The following NALF1 variants were observed in gnomAD, a reference collection of about 807,000 sequenced individuals.
NALF1 encodes the protein NALCN channel auxiliary factor 1.
A neutral mutation model predicts 48.4 loss-of-function variants in NALF1; 3 were observed. The ratio of observed to expected loss-of-function variants is 0.06; its 90% CI spans 0.03 to 0.16. The LOEUF is 0.16. NALF1 is among the 10% of genes least tolerant of loss of function. NALF1 has a pLI of 1.00. For synonymous variants in NALF1, 262 were observed against 245.7 expected, an observed-to-expected ratio of 1.07 and a Z score of -0.62; for missense variants, 526 against 571.5, an observed-to-expected ratio of 0.92 and a Z score of 0.81.
At chr13:107,635,568 G>A (rs1879954366) in intron 1 of NALF1, among the ~76,000 whole-genome samples, 1 of 152,094 alleles carries the variant, frequency 6.6e-6, no homozygotes, top group Non-Finnish European at 1.5e-5. Flanking sequence ...TTTCTAATGT[G>A]TTCTCTGTAT....
intron 1 of NALF1, among the ~76,000 whole-genome samples, chr13:107,414,331 C>T (rs1884047127): frequency 6.6e-6 from 1 of 150,970 alleles, no homozygotes; most frequent in African/African-American, 2.4e-5. Context: ...TCTTTCTTTC[C>T]CTAACTCTCT....
intron 1 of NALF1, among the ~76,000 whole-genome samples, chr13:107,388,986 C>T (rs1458423089): frequency 3.9e-5 from 6 of 152,184 alleles, no homozygotes; most frequent in African/African-American, 7.2e-5. Context: ...GATAGAAGGA[C>T]GTGTCAGCAG....
At chr13:107,583,394 C>A (rs887298302) in intron 1 of NALF1, among the ~76,000 whole-genome samples, 7 of 152,090 alleles carry the variant, frequency 4.6e-5, no homozygotes, top group African/African-American at 1.7e-4. Flanking sequence ...TTGTTCAGAT[C>A]ACTTTTAAGT....
intron 2 of NALF1, among the ~76,000 whole-genome samples, chr13:107,178,714 C>T (rs377697740): frequency 5.3e-5 from 8 of 152,116 alleles, no homozygotes; most frequent in African/African-American, 1.4e-4. Context: ...CAGGCCAAGG[C>T]GGGCGGATCA....
rs1372340689 is a variant in NALF1, at chr13:107,166,590, AC to A, written c.*3906del. 1 of 152,210 alleles carries A rather than the reference AC, an allele frequency of 6.6e-6. No homozygotes were observed. Among genetic ancestry groups the A allele is most frequent in the Non-Finnish European group, 1.5e-5 (1 of 68,046 alleles). The allele number at this position is 152,210 out of a possible 1,614,324, so 9.4% of individuals were successfully genotyped here. A position where few individuals can be genotyped will look rare whatever the true frequency, so the allele number is the denominator to read the frequency against. On this transcript the variant is annotated 3_prime_UTR_variant, in exon 3 of 3. Coordinates refer to ENST00000375915, the MANE Select transcript of NALF1 (RefSeq NM_001080396.3). ...TGTAAATCATGCTTCAGACTGGTTA[AC>A]GTTTTTGATGTTGTTCAGATATCAA...
At chr13:107,513,430 T>C (rs1875958809) in intron 1 of NALF1, among the ~76,000 whole-genome samples, 1 of 152,182 alleles carries the variant, frequency 6.6e-6, no homozygotes, top group Non-Finnish European at 1.5e-5. Context: ...GTCTTCCATA[T>C]TTCCTTGCCT....
At chr13:107,778,210 T>A (rs1438966434) in intron 1 of NALF1, among the ~76,000 whole-genome samples, 1 of 152,182 alleles carries the variant, frequency 6.6e-6, no homozygotes, top group Non-Finnish European at 1.5e-5. Context: ...TGAGGCTGCA[T>A]GAATGGAATG....
chr13:107,247,288 C>G (rs533143098), intron 1 of NALF1, among the ~76,000 whole-genome samples: 2 of 152,230 alleles, frequency 1.3e-5, no homozygotes, highest in South Asian at 2.1e-4. Flanking sequence ...GAATAAAAAT[C>G]CATTTATTTT....
At chr13:107,523,435 A>G (rs1594109035) in intron 1 of NALF1, among the ~76,000 whole-genome samples, 1 of 152,118 alleles carries the variant, frequency 6.6e-6, no homozygotes, top group Non-Finnish European at 1.5e-5. Flanking sequence ...GGTTTGTTAC[A>G]TATGTATACA....
At chr13:107,727,300 T>G (rs1566459412) in intron 1 of NALF1, among the ~76,000 whole-genome samples, 1 of 152,192 alleles carries the variant, frequency 6.6e-6, no homozygotes, top group Non-Finnish European at 1.5e-5. Flanking sequence ...GTAAGATGCA[T>G]TATTTCCTTA....
intron 1 of NALF1, among the ~76,000 whole-genome samples, chr13:107,430,101 A>C (rs1299336931): frequency 1.3e-5 from 2 of 152,326 alleles, no homozygotes; most frequent in South Asian, 4.1e-4. Context: ...AGCAGGGAAA[A>C]TCAACTGAAG....
intron 1 of NALF1, among the ~76,000 whole-genome samples, chr13:107,267,462 C>T (rs1286329562): frequency 6.6e-6 from 1 of 152,118 alleles, no homozygotes; most frequent in African/African-American, 2.4e-5. Context: ...AGCGAGAGCG[C>T]TGTGTGTTGT....
At chr13:107,276,046 G>A (rs1313679045) in intron 1 of NALF1, among the ~76,000 whole-genome samples, 3 of 152,190 alleles carry the variant, frequency 2.0e-5, no homozygotes, top group South Asian at 4.2e-4. Context: ...CCAGCATGAC[G>A]GATCCAAGAG....
At chr13:107,541,726 A>G (rs1877005080) in intron 1 of NALF1, among the ~76,000 whole-genome samples, 1 of 152,194 alleles carries the variant, frequency 6.6e-6, no homozygotes. Flanking sequence ...AACAACAGAT[A>G]CAGAAAAGAA....
At chr13:107,820,723 G>A (rs543765193) in intron 1 of NALF1, among the ~76,000 whole-genome samples, 1 of 152,206 alleles carries the variant, frequency 6.6e-6, no homozygotes, top group South Asian at 2.1e-4. Context: ...TCACTAAATT[G>A]ATATTTCTGT....
chr13:107,809,812 G>A (rs1165014451), intron 1 of NALF1, among the ~76,000 whole-genome samples: 2 of 151,974 alleles, frequency 1.3e-5, no homozygotes, highest in Admixed American at 6.6e-5. Flanking sequence ...TCATGGAAAC[G>A]TCCACCAGAT....
At chr13:107,787,205 TACACCCATA>T (rs1272031462) in intron 1 of NALF1, among the ~76,000 whole-genome samples, 15 of 152,204 alleles carry the variant, frequency 9.9e-5, no homozygotes, top group African/African-American at 3.6e-4. Flanking sequence ...CAGTTCTTTG[TACACCCATA>T]ACAGAATATA....
At chr13:107,679,614 C>A (rs1382124111) in intron 1 of NALF1, among the ~76,000 whole-genome samples, 1 of 152,156 alleles carries the variant, frequency 6.6e-6, no homozygotes, top group Admixed American at 6.5e-5. Context: ...CTCCTCAGCG[C>A]CCCCCACGGG....
chr13:107,641,324 G>A (rs937640159), intron 1 of NALF1, among the ~76,000 whole-genome samples: 2 of 152,136 alleles, frequency 1.3e-5, no homozygotes, highest in Admixed American at 1.3e-4. Context: ...CAAGGAGTAA[G>A]TTCTAGTATT....
Sources: gnomAD v4.1 joint callset for allele counts (sites outside exome capture counted in the v4.1 genomes callset) on GRCh38, gnomAD v4.1.1 for gene constraint, MANE v1.5 for transcripts, NCBI Gene and HGNC (gene_info 2026-07-23, HGNC 2026-07-21) for gene names.